SLC38A12: variants seen among roughly 807,000 people sequenced by gnomAD.
SLC38A12 encodes solute carrier family 38 member 12.
the SLC38A12 span, among the ~76,000 whole-genome samples, chr17:74,810,821 CAG>C: frequency 1.3e-5 from 2 of 152,238 alleles, no homozygotes; most frequent in African/African-American, 4.8e-5. Context: ...CCTCTCATCA[CAG>C]AGTTTTGGCA....
At chr17:74,794,892 C>G in the SLC38A12 span, 1 of 799,878 alleles carries the variant, frequency 1.3e-6, no homozygotes, top group Non-Finnish European at 2.0e-6. Context: ...AGAAAGTAAA[C>G]AGCTCAGAGA....
chr17:74,779,679 G>A, the SLC38A12 span, among the ~76,000 whole-genome samples: 3 of 152,320 alleles, frequency 2.0e-5, no homozygotes, highest in Non-Finnish European at 2.9e-5. Context: ...TCAAGACAAC[G>A]TGGGCAGAGC....
the SLC38A12 span, chr17:74,836,039 C>A: frequency 1.1e-5 from 17 of 1,613,058 alleles, no homozygotes; most frequent in African/African-American, 1.3e-5. The surrounding 1 kb of genome is among the most constrained non-coding windows in gnomAD (Gnocchi z 4.2). Flanking sequence ...GGGTGTGCGT[C>A]TACTCCTTCA....
chr17:74,827,381 C>T, the SLC38A12 span, among the ~76,000 whole-genome samples: 1 of 151,780 alleles, frequency 6.6e-6, no homozygotes, highest in South Asian at 2.1e-4. The surrounding 1 kb of genome is among the most constrained non-coding windows in gnomAD (Gnocchi z 4.7). Flanking sequence ...CTCCAACCTC[C>T]ACCTCCTAGG....
the SLC38A12 span, chr17:74,794,952 A>C: frequency 2.8e-6 from 4 of 1,443,488 alleles, no homozygotes; most frequent in Non-Finnish European, 3.8e-6. Context: ...AAGAAGAAAA[A>C]AAAAAAAACA....
chr17:74,795,757 C>G, the SLC38A12 span: 1 of 742,424 alleles, frequency 1.3e-6, no homozygotes, highest in Non-Finnish European at 2.2e-6. Context: ...TCTCCACACT[C>G]TGGCTAAGCA....
At chr17:74,790,772 T>TAAA in the SLC38A12 span, among the ~76,000 whole-genome samples, 3 of 127,006 alleles carry the variant, frequency 2.4e-5, no homozygotes, top group South Asian at 8.2e-4. Context: ...TGAATTCCCT[T>TAAA]AAAAAAAAAA....
At chr17:74,807,353 C>T in the SLC38A12 span, among the ~76,000 whole-genome samples, 1 of 152,240 alleles carries the variant, frequency 6.6e-6, no homozygotes, top group African/African-American at 2.4e-5. Context: ...CCGTCTAGAG[C>T]CAGCATGGCC....
At chr17:74,811,694 C>T in the SLC38A12 span, among the ~76,000 whole-genome samples, 2 of 151,828 alleles carry the variant, frequency 1.3e-5, no homozygotes, top group Non-Finnish European at 2.9e-5. Context: ...GCACTTTAGC[C>T]TGGGCAGCAG....
chr17:74,792,709 C>T, the SLC38A12 span, among the ~76,000 whole-genome samples: 6 of 152,182 alleles, frequency 3.9e-5, no homozygotes, highest in South Asian at 4.1e-4. Context: ...CTTTTTAGGA[C>T]GTTAAGCATT....
the SLC38A12 span, chr17:74,836,480 C>A: frequency 1.9e-6 from 3 of 1,610,126 alleles, no homozygotes; most frequent in Non-Finnish European, 2.5e-6. This position sits in a 1 kb window ranked among gnomAD's most constrained non-coding sequence, Gnocchi z 4.2. Flanking sequence ...CAGGGGCCTA[C>A]GCGGGCACCG....
the SLC38A12 span, among the ~76,000 whole-genome samples, chr17:74,781,259 GTTTAGTT>G: frequency 6.6e-6 from 1 of 152,024 alleles, no homozygotes; most frequent in East Asian, 1.9e-4. Context: ...CTCTTATACT[GTTTAGTT>G]TCCCCATAAA....
At chr17:74,791,064 G>A in the SLC38A12 span, 3 of 1,596,776 alleles carry the variant, frequency 1.9e-6, no homozygotes, top group East Asian at 6.7e-5. Flanking sequence ...GGTGGGGTGT[G>A]GGGAAACGGG....
At chr17:74,817,527 A>G in the SLC38A12 span, among the ~76,000 whole-genome samples, 1 of 152,206 alleles carries the variant, frequency 6.6e-6, no homozygotes. Flanking sequence ...CTGGTCACTC[A>G]AGTGGCACCT....
At chr17:74,834,737 T>C in the SLC38A12 span, among the ~76,000 whole-genome samples, 7 of 152,168 alleles carry the variant, frequency 4.6e-5, no homozygotes, top group African/African-American at 1.7e-4. Context: ...CACCAGGAAA[T>C]GTCACGTGTC....
chr17:74,788,749 A>C, the SLC38A12 span: 1 of 1,589,684 alleles, frequency 6.3e-7, no homozygotes, highest in Non-Finnish European at 8.6e-7. Flanking sequence ...TGTCTCCTCC[A>C]ACCTGTCCGC....
At chr17:74,780,869 T>G in the SLC38A12 span, among the ~76,000 whole-genome samples, 2 of 152,190 alleles carry the variant, frequency 1.3e-5, no homozygotes, top group Non-Finnish European at 2.9e-5. Flanking sequence ...GCCAATAGTT[T>G]CTCTCTTCAT....
chr17:74,826,441 C>T, the SLC38A12 span, among the ~76,000 whole-genome samples: 5 of 152,210 alleles, frequency 3.3e-5, no homozygotes, highest in South Asian at 2.1e-4. Context: ...GAGGAGTGAA[C>T]GAAGCTAGAA....
the SLC38A12 span, among the ~76,000 whole-genome samples, chr17:74,814,802 G>A: frequency 2.6e-5 from 4 of 152,124 alleles, no homozygotes; most frequent in African/African-American, 7.2e-5. Flanking sequence ...TAGGTGCTGC[G>A]ACAAACAAGG....
Sources: gnomAD v4.1 joint callset for allele counts (sites outside exome capture counted in the v4.1 genomes callset) on GRCh38, gnomAD v4.1.1 for gene constraint, Gnocchi (gnomAD v3.1) non-coding constraint, MANE v1.5 for transcripts, NCBI Gene and HGNC (gene_info 2026-07-23, HGNC 2026-07-21) for gene names.